The following TTLL5 variants were observed in gnomAD, a reference collection of about 807,000 sequenced individuals.
TTLL5 encodes the protein tubulin polyglutamylase TTLL5.
In TTLL5, 132 loss-of-function variants were observed where a neutral mutation model predicts 168.4. The observed-to-expected ratio is 0.78, with a 90% confidence interval of 0.68 to 0.91. The LOEUF (loss-of-function observed/expected upper bound fraction) is 0.91. Ranked by LOEUF, TTLL5 falls within the 40% of genes least tolerant of loss-of-function variation. The pLI is 0.00. For synonymous variants in TTLL5, 546 were observed against 558.6 expected (o/e 0.98, Z 0.32); for missense variants, 1,545 against 1,581.5 (o/e 0.98, Z 0.39).
At chr14:75,949,193 T>C (rs1256653763) in intron 31 of TTLL5, among the ~76,000 whole-genome samples, 1 of 151,918 alleles carries the variant, frequency 6.6e-6, no homozygotes, top group East Asian at 1.9e-4. Context: ...TCTATATTTC[T>C]GCACAAACAG....
Position 75,783,120 on chromosome 14 carries a change from T to A in TTLL5, c.2603-27T>A, listed in dbSNP as rs779107774. The A allele has an allele frequency of 4.5e-6, 7 of 1,567,796 alleles. No homozygotes were observed. The Admixed American group carries it at 1.3e-4, about 28-fold the overall frequency. On this transcript the variant is annotated intron_variant, in intron 25 of 31. Coordinates refer to ENST00000298832, the MANE Select transcript of TTLL5 (RefSeq NM_015072.5). ...TGTATGTTTGTTTTTCCTATAATGATGTCTTGTTTTGTTTTGTTTTTAATA... is the reference window on the plus strand; with the variant it reads ...TGTATGTTTGTTTTTCCTATAATGAAGTCTTGTTTTGTTTTGTTTTTAATA...
chr14:75,793,257 TC>T lies in TTLL5; in HGVS notation c.3171+159del, dbSNP rs920733256. Among the ~76,000 whole-genome samples, 4 of 152,168 alleles carry T rather than the reference TC, an allele frequency of 2.6e-5. 1 individual carries two copies. Among genetic ancestry groups the T allele is most frequent in the African/African-American group, 9.6e-5 (4 of 41,454 alleles). On this transcript the variant is annotated intron_variant, in intron 27 of 31. Transcript: ENST00000298832. ...GTTTCAAGCTAAATTATCAAGTTTT[TC>T]CTCTTCAAATTTAAAGAAAATAACT...
intron 31 of TTLL5, among the ~76,000 whole-genome samples, chr14:75,907,109 CTG>C: frequency 6.6e-6 from 1 of 152,238 alleles, no homozygotes. Context: ...AATTTATAAA[CTG>C]GACTTTCAGA....
intron 9 of TTLL5, among the ~76,000 whole-genome samples, chr14:75,715,887 C>T (rs1887418108): frequency 6.6e-6 from 1 of 151,692 alleles, no homozygotes; most frequent in Non-Finnish European, 1.5e-5. Flanking sequence ...GATTCCAGCT[C>T]ACCACAGACT....
rs1242105848 is a variant in TTLL5, at chr14:75,681,569, T to G, written c.206T>G (p.Ile69Ser). 1.9e-6 allele frequency: 3 copies of G among 1,613,396 alleles called. No individual in the cohort carries two copies. The highest frequency in any genetic ancestry group is 2.5e-6 in the Non-Finnish European group (3 of 1,179,938). ...GAACGTTATCATTTGTCTTATAAGA[T>G]TGTACGAACGGACAGTCGCCTAGTA... ...IGERYHLSYK[I>S]VRTDSRLVRS... The change falls in exon 4 of 32, where the codon ATT becomes AGT. Residue 69 changes from isoleucine to serine, a missense_variant. Physicochemically the swap from Ile to Ser is moderately radical, Grantham distance 142. Transcript: ENST00000298832.
intron 28 of TTLL5, among the ~76,000 whole-genome samples, chr14:75,848,864 G>T (rs1896694083): frequency 6.6e-6 from 1 of 152,126 alleles, no homozygotes; most frequent in Non-Finnish European, 1.5e-5. Flanking sequence ...CCAGCTTTTT[G>T]TTCCATAAAG....
intron 28 of TTLL5, among the ~76,000 whole-genome samples, chr14:75,848,124 AG>A (rs1224482437): frequency 6.6e-6 from 1 of 151,978 alleles, no homozygotes. Context: ...AACTGAAGGA[AG>A]GGGGCAGAGG....
chr14:75,940,780 A>G (rs2034577006), intron 31 of TTLL5, among the ~76,000 whole-genome samples: 2 of 152,216 alleles, frequency 1.3e-5, no homozygotes, highest in African/African-American at 4.8e-5. Flanking sequence ...AAATGTTATC[A>G]TGCCCATCTG....
intron 15 of TTLL5, among the ~76,000 whole-genome samples, chr14:75,743,575 CTTTTT>C (rs33959405): frequency 1.6e-3 from 101 of 63,110 alleles, no homozygotes; most frequent in Non-Finnish European, 2.1e-3. Context: ...TGGCATCGCT[CTTTTT>C]TTTTTTTTTT....
chr14:75,892,820 C>G (rs1163085086), intron 30 of TTLL5, among the ~76,000 whole-genome samples: 1 of 152,152 alleles, frequency 6.6e-6, no homozygotes, highest in Non-Finnish European at 1.5e-5. Flanking sequence ...CTGTTCCTGT[C>G]TCAAAACTGC....
chr14:75,688,068 T>C (rs1885199289), intron 5 of TTLL5, among the ~76,000 whole-genome samples: 1 of 152,180 alleles, frequency 6.6e-6, no homozygotes, highest in Non-Finnish European at 1.5e-5. Flanking sequence ...ATATAACTCC[T>C]TGGCTCCTTG....
intron 31 of TTLL5, among the ~76,000 whole-genome samples, chr14:75,928,190 C>A (rs544621321): frequency 9.9e-5 from 15 of 151,782 alleles, no homozygotes; most frequent in African/African-American, 3.6e-4. Flanking sequence ...GGCCTAGCCG[C>A]CAGGGTCATT....
chr14:75,679,282 T>C (rs1884415245), intron 3 of TTLL5, among the ~76,000 whole-genome samples: 1 of 152,042 alleles, frequency 6.6e-6, no homozygotes, highest in Admixed American at 6.6e-5. Context: ...CAGAGTGTTG[T>C]GATGTGAAAA....
intron 18 of TTLL5, among the ~76,000 whole-genome samples, chr14:75,758,309 G>A (rs866206852): frequency 1.1e-4 from 17 of 152,206 alleles, no homozygotes; most frequent in Middle Eastern, 3.4e-3. Context: ...GCCCTTTAAA[G>A]CATAAATCTA....
At chr14:75,925,674 C>T (rs550316759) in intron 31 of TTLL5, among the ~76,000 whole-genome samples, 1 of 152,040 alleles carries the variant, frequency 6.6e-6, no homozygotes, top group African/African-American at 2.4e-5. Context: ...GCTGCAATCT[C>T]GGCACTTTGG....
At chr14:75,781,998 A>G (rs1892087210) in intron 24 of TTLL5, among the ~76,000 whole-genome samples, 1 of 150,036 alleles carries the variant, frequency 6.7e-6, no homozygotes, top group South Asian at 2.1e-4. Context: ...AGTTTAAGAT[A>G]CAGAGCCATC....
At chr14:75,846,784 C>G (rs1896568534) in intron 28 of TTLL5, among the ~76,000 whole-genome samples, 1 of 121,938 alleles carries the variant, frequency 8.2e-6, no homozygotes, top group Admixed American at 9.0e-5. Context: ...GAGTGAAACT[C>G]CATCTCAGAA....
At chr14:75,879,466 G>A (rs1326874320) in intron 29 of TTLL5, among the ~76,000 whole-genome samples, 1 of 152,214 alleles carries the variant, frequency 6.6e-6, no homozygotes. Flanking sequence ...GTTTGGGAAG[G>A]AATGGAACAT....
chr14:75,718,408 G>A lies in TTLL5; in HGVS notation c.842+446G>A, dbSNP rs76993236. The stretch of plus-strand genomic sequence containing the variant: ...TACACACAGGATCAGTGATAAGAAT[G>A]TTCATTACCATGTATTCGTAGGTGG... On this transcript the variant is annotated intron_variant, in intron 10 of 31. Transcript: ENST00000298832. Among the ~76,000 whole-genome samples, 124 of 152,252 alleles carry A rather than the reference G, an allele frequency of 8.1e-4. 1 individual carries two copies. The East Asian group carries it at 0.022, about 27-fold the overall frequency.
Sources: gnomAD v4.1 joint callset for allele counts (sites outside exome capture counted in the v4.1 genomes callset) on GRCh38, gnomAD v4.1.1 for gene constraint, MANE v1.5 for transcripts, NCBI Gene and HGNC (gene_info 2026-07-23, HGNC 2026-07-21) for gene names.